FABP7: variants seen among roughly 807,000 people sequenced by gnomAD.
FABP7 encodes the protein fatty acid binding protein 7.
FABP7 carries 13 observed loss-of-function variants against 14.2 expected under a neutral mutation model. The ratio of observed to expected loss-of-function variants is 0.91; its 90% CI spans 0.59 to 1.45. The LOEUF is 1.45. Among genes scored for constraint, FABP7 ranks in the 40% most tolerant of loss-of-function variants. The pLI is 0.00. For synonymous variants in FABP7, 49 were observed against 51.4 expected, an observed-to-expected ratio of 0.95 and a Z score of 0.20; for missense variants, 149 against 157.6, an observed-to-expected ratio of 0.95 and a Z score of 0.29.
the FABP7 span, among the ~76,000 whole-genome samples, chr6:122,763,124 C>T: frequency 6.6e-6 from 1 of 152,158 alleles, no homozygotes; most frequent in Non-Finnish European, 1.5e-5. Flanking sequence ...TACCATGCTA[C>T]CTGACTTCAA....
At chr6:122,767,755 GAA>G in the FABP7 span, among the ~76,000 whole-genome samples, 448 of 116,314 alleles carry the variant, frequency 3.9e-3, 1 homozygote, top group Middle Eastern at 9.0e-3. Context: ...CCACTAAAAG[GAA>G]AAAAAAAAAA....
At chr6:122,765,896 A>G in the FABP7 span, among the ~76,000 whole-genome samples, 1 of 151,990 alleles carries the variant, frequency 6.6e-6, no homozygotes, top group African/African-American at 2.4e-5. Context: ...TCTGTCTTCA[A>G]GATAATGTGG....
At chr6:122,779,099 T>C (rs1286356443), upstream of FABP7, among the ~76,000 whole-genome samples, 2 of 152,144 alleles carry the variant, frequency 1.3e-5, no homozygotes, top group Non-Finnish European at 2.9e-5. Context: ...TTAGTGTGCT[T>C]CCTCATTGAC....
the FABP7 span, among the ~76,000 whole-genome samples, chr6:122,766,641 T>C: frequency 6.6e-6 from 1 of 152,118 alleles, no homozygotes; most frequent in African/African-American, 2.4e-5. Flanking sequence ...GGAAAGGTTT[T>C]ACTACTAAAA....
chr6:122,771,056 T>C, the FABP7 span, among the ~76,000 whole-genome samples: 1 of 152,182 alleles, frequency 6.6e-6, no homozygotes, highest in Non-Finnish European at 1.5e-5. Flanking sequence ...ATTCAGCCCA[T>C]ATGGTGTGGT....
the FABP7 span, among the ~76,000 whole-genome samples, chr6:122,765,998 T>C: frequency 6.6e-6 from 1 of 152,206 alleles, no homozygotes; most frequent in South Asian, 2.1e-4. Flanking sequence ...CAAAGAGAAA[T>C]ATTTATCAAG....
chr6:122,749,700 A>T, the FABP7 span, among the ~76,000 whole-genome samples: 1 of 152,202 alleles, frequency 6.6e-6, no homozygotes, highest in Admixed American at 6.5e-5. Context: ...AGTCTGCAAA[A>T]CAAATAATGC....
rs754315896 is a variant in FABP7 at position 122,779,861 on chromosome 6, G to A, written c.67G>A (p.Ala23Thr). The change falls in exon 1 of 4, where the codon GCT becomes ACT. Residue 23 changes from alanine to threonine, a missense_variant. By Grantham distance (58) the Ala-to-Thr change is moderately conservative. Transcript: ENST00000368444. ...TCAGAACTTTGATGAGTACATGAAGGCTCTAGGTAGGTAACAATAAGACCG... is the reference window on the plus strand; with the variant it reads ...TCAGAACTTTGATGAGTACATGAAGACTCTAGGTAGGTAACAATAAGACCG... Reference protein sequence around the residue: ...NSQNFDEYMKALGVGFATRQV... With the variant: ...NSQNFDEYMKTLGVGFATRQV... 1.1e-5 allele frequency: 17 copies of A among 1,613,784 alleles called. No individual in the cohort carries two copies. Among genetic ancestry groups the A allele is most frequent in the African/African-American group, 1.3e-5 (1 of 74,910 alleles).
At chr6:122,755,180 C>A in the FABP7 span, among the ~76,000 whole-genome samples, 5 of 152,112 alleles carry the variant, frequency 3.3e-5, no homozygotes, top group Non-Finnish European at 5.9e-5. Flanking sequence ...TACTTCCTTG[C>A]ATATATCATA....
the FABP7 span, among the ~76,000 whole-genome samples, chr6:122,753,407 G>C: frequency 1.3e-5 from 2 of 151,528 alleles, no homozygotes; most frequent in Non-Finnish European, 2.9e-5. Flanking sequence ...AAAGCATTCA[G>C]TAATTCGCTC....
chr6:122,782,139 G>C, intron 3 of FABP7: 7 of 983,906 alleles, frequency 7.1e-6, no homozygotes, highest in Non-Finnish European at 8.4e-6. Flanking sequence ...TTCAATACTA[G>C]GTAGACATGA....
chr6:122,760,154 C>T, the FABP7 span, among the ~76,000 whole-genome samples: 2 of 151,886 alleles, frequency 1.3e-5, no homozygotes, highest in Non-Finnish European at 2.9e-5. Flanking sequence ...TTAAAGTGTA[C>T]AGTTTAATAG....
At chr6:122,766,437 AAAGAT>A in the FABP7 span, among the ~76,000 whole-genome samples, 2 of 152,094 alleles carry the variant, frequency 1.3e-5, no homozygotes, top group African/African-American at 2.4e-5. Context: ...ATATCCAAGG[AAAGAT>A]ATATTGCCAG....
chr6:122,753,790 CCCCCG>C, the FABP7 span, among the ~76,000 whole-genome samples: 2 of 94,642 alleles, frequency 2.1e-5, no homozygotes, highest in Admixed American at 1.1e-4. Context: ...TCCCGCCCCC[CCCCCG>C]CCCACAGAAG....
chr6:122,774,318 G>T, the FABP7 span, among the ~76,000 whole-genome samples: 24 of 144,802 alleles, frequency 1.7e-4, no homozygotes, highest in South Asian at 1.1e-3. Flanking sequence ...GCCCAGATCA[G>T]GCCACTGCAC....
chr6:122,773,265 G>T, the FABP7 span, among the ~76,000 whole-genome samples: 1 of 152,082 alleles, frequency 6.6e-6, no homozygotes, highest in African/African-American at 2.4e-5. Flanking sequence ...CATTTATCAT[G>T]ACCTAAGTGG....
the FABP7 span, among the ~76,000 whole-genome samples, chr6:122,765,234 A>G: frequency 2.6e-5 from 4 of 152,060 alleles, no homozygotes; most frequent in Non-Finnish European, 5.9e-5. Flanking sequence ...TTGAATGTTT[A>G]TTGGATTTTT....
chr6:122,769,244 C>T, the FABP7 span, among the ~76,000 whole-genome samples: 1 of 152,054 alleles, frequency 6.6e-6, no homozygotes, highest in African/African-American at 2.4e-5. Flanking sequence ...TCAAGGTTTC[C>T]CCAATAATGT....
In FABP7 at chr6:122,783,789, G is replaced by A; in HGVS notation, c.*22G>A. ...ATAAAAATGTTCCTGGTCGGGGCTTGGAAGAGCTCTTCAGTTTTTCTGTTT... is the reference window on the plus strand; with the variant it reads ...ATAAAAATGTTCCTGGTCGGGGCTTAGAAGAGCTCTTCAGTTTTTCTGTTT... On this transcript the variant is annotated 3_prime_UTR_variant, in exon 4 of 4. Coordinates refer to ENST00000368444, the MANE Select transcript of FABP7 (RefSeq NM_001446.5). 6.3e-7 allele frequency: 1 copy of A among 1,588,490 alleles called. No individual in the cohort carries two copies. The highest frequency in any genetic ancestry group is 8.6e-7 in the Non-Finnish European group (1 of 1,162,730).
Sources: allele counts gnomAD v4.1 joint callset (sites outside exome capture counted in the v4.1 genomes callset), GRCh38; gene constraint gnomAD v4.1.1; transcripts MANE v1.5; gene names NCBI Gene and HGNC (gene_info 2026-07-23, HGNC 2026-07-21).